TVP23C: variants seen among roughly 807,000 people sequenced by gnomAD.
The protein encoded by TVP23C is trans-golgi network vesicle protein 23 homolog C, also known as Golgi apparatus membrane protein TVP23 homolog C.
In TVP23C, 19 loss-of-function variants were observed where a neutral mutation model predicts 28.7. The ratio of observed to expected loss-of-function variants is 0.66; its 90% CI spans 0.46 to 0.97. The LOEUF is 0.97. Among genes scored for constraint, TVP23C ranks in the 50% least tolerant of loss-of-function variants. TVP23C has a pLI of 0.00. For synonymous variants in TVP23C, 68 were observed against 81.7 expected, an observed-to-expected ratio of 0.83 and a Z score of 0.90; for missense variants, 186 against 241.3, an observed-to-expected ratio of 0.77 and a Z score of 1.52.
At chr17:15,502,751 T>TCA (rs1491386433) in exon 6 of TVP23C, 7 of 1,337,378 alleles carry the variant, frequency 5.2e-6, no homozygotes, top group Non-Finnish European at 5.9e-6. Context: ...CTCTCTCCCG[T>TCA]CTCTTTCTCT....
At chr17:15,527,871 C>T (rs767730239) in intron 5 of TVP23C, among the ~76,000 whole-genome samples, 1 of 152,158 alleles carries the variant, frequency 6.6e-6, no homozygotes, top group Non-Finnish European at 1.5e-5. Context: ...AAACAATGCT[C>T]GAATGCTTAC....
At chr17:15,505,037 G>A (rs1165644768) in intron 5 of TVP23C, among the ~76,000 whole-genome samples, 1 of 152,148 alleles carries the variant, frequency 6.6e-6, no homozygotes, top group Non-Finnish European at 1.5e-5. Context: ...CAGACCCACA[G>A]TTATATACTG....
intron 5 of TVP23C, among the ~76,000 whole-genome samples, chr17:15,511,049 G>A (rs1179204520): frequency 1.4e-5 from 1 of 71,660 alleles, no homozygotes; most frequent in Non-Finnish European, 2.5e-5. Flanking sequence ...GCCAGACTTC[G>A]TCTCAAAAAA....
chr17:15,533,029 G>T (rs1983009738), downstream of TVP23C, among the ~76,000 whole-genome samples: 6 of 152,164 alleles, frequency 3.9e-5, no homozygotes, highest in South Asian at 1.2e-3. Flanking sequence ...CAACTAAGAG[G>T]GCCTAAGGGA....
Position 15,506,770 on chromosome 17 carries a change from G to A in TVP23C, c.463-3538C>T, listed in dbSNP as rs1268860872. 1.2e-5 allele frequency: 5 copies of A among 419,426 alleles called. No homozygotes were observed. In the Admixed American group the frequency reaches 1.3e-4, roughly 11 times the overall value. 26.0% of individuals were successfully genotyped at this position (419,426 alleles called of 1,614,324 possible). On this transcript the variant is annotated intron_variant, in intron 5 of 5. Coordinates refer to the TVP23C transcript ENST00000225576. ...ACATCAGAAGGAACAAACTCCAGAC[G>A]CGCCACCTTAAGAGCTGTAACACTC...
intron 5 of TVP23C, among the ~76,000 whole-genome samples, chr17:15,524,136 CT>C (rs1982619966): frequency 6.8e-6 from 1 of 146,900 alleles, no homozygotes; most frequent in African/African-American, 2.5e-5. Flanking sequence ...TGATAAATTC[CT>C]TTGACTTAGA....
At chr17:15,519,837 G>A (rs1385601380) in intron 5 of TVP23C, among the ~76,000 whole-genome samples, 1 of 152,204 alleles carries the variant, frequency 6.6e-6, no homozygotes, top group African/African-American at 2.4e-5. Context: ...GGGAGGCGGA[G>A]CTTGCAGTGA....
chr17:15,527,347 TAAACAAAATAAA>T (rs1023366740), intron 5 of TVP23C, among the ~76,000 whole-genome samples: 2 of 151,802 alleles, frequency 1.3e-5, no homozygotes, highest in African/African-American at 2.4e-5. Context: ...TAACTTGTTC[TAAACAAAATAAA>T]AAATAAAATG....
At chr17:15,556,324 C>G (rs934714718) in intron 1 of TVP23C, among the ~76,000 whole-genome samples, 6 of 151,126 alleles carry the variant, frequency 4.0e-5, no homozygotes, top group Non-Finnish European at 8.8e-5. Context: ...CCTCTTCAAT[C>G]CTCTACCTTC....
intron 5 of TVP23C, among the ~76,000 whole-genome samples, chr17:15,541,655 T>C (rs1158438807): frequency 6.6e-6 from 1 of 152,220 alleles, no homozygotes; most frequent in Non-Finnish European, 1.5e-5. Context: ...GATTTAAATG[T>C]TTGATTAATG....
chr17:15,545,878 T>A lies in TVP23C; in HGVS notation c.369A>T (p.Glu123Asp). 6.2e-7 allele frequency: 1 copy of A among 1,614,136 alleles called. No homozygotes were observed. Among genetic ancestry groups the A allele is most frequent in the Non-Finnish European group, 8.5e-7 (1 of 1,179,974 alleles). ...SQENKTVSEA[E>D]SRIFWLGLIA... ...TAAGTCCCAACCAAAAGATTCTTGA[T>A]TCAGCCTCTGACACAGTTTTATTCT... The change falls in exon 5 of 6, where the codon GAA (glutamate) becomes GAT (aspartate). Residue 123 changes from glutamate to aspartate, a missense_variant. This residue lies in a region of TVP23C where 74 missense variants were observed against 96.0 expected (regional missense o/e 0.77). Transcript: ENST00000518321.
chr17:15,541,902 C>T (rs879166587), intron 5 of TVP23C, among the ~76,000 whole-genome samples: 23 of 152,068 alleles, frequency 1.5e-4, no homozygotes, highest in Admixed American at 1.4e-3. Flanking sequence ...AGACCAATCA[C>T]GGGTCCTGCT....
downstream of TVP23C, among the ~76,000 whole-genome samples, chr17:15,535,181 T>G (rs1983106240): frequency 6.6e-6 from 1 of 151,972 alleles, no homozygotes; most frequent in African/African-American, 2.4e-5. Context: ...TATTATAATG[T>G]AATCTTAACA....
At chr17:15,556,416 C>A (rs1469881121) in intron 1 of TVP23C, among the ~76,000 whole-genome samples, 1 of 146,036 alleles carries the variant, frequency 6.8e-6, no homozygotes, top group Non-Finnish European at 1.5e-5. Context: ...GGCTGGAGTG[C>A]AGTGGCGTGG....
In TVP23C at chr17:15,545,888, GAC is replaced by G. The variant is rs2150852892; in HGVS notation, c.357_358del (p.Ser120ArgfsTer3). 1.2e-6 allele frequency: 2 copies of G among 1,614,006 alleles called. No homozygotes were observed. The highest frequency in any genetic ancestry group is 8.5e-7 in the Non-Finnish European group (1 of 1,179,956). On this transcript the variant is annotated frameshift_variant, in exon 5 of 6. Coordinates refer to ENST00000518321, the MANE Select transcript of TVP23C (RefSeq NM_001135036.2). LOFTEE classifies it high-confidence loss of function. Reference sequence around the variant, plus strand: ...CCAAAAGATTCTTGATTCAGCCTCTGACACAGTTTTATTCTCTTGAGAGGACT... The same window carrying G: ...CCAAAAGATTCTTGATTCAGCCTCTGACAGTTTTATTCTCTTGAGAGGACT...
Position 15,537,885 on chromosome 17 carries a change from C to T in TVP23C, c.*2527G>A. On this transcript the variant is annotated 3_prime_UTR_variant, in exon 6 of 6. Coordinates refer to ENST00000518321, the MANE Select transcript of TVP23C (RefSeq NM_001135036.2). ...TGTGCATACCTATGGAATGTGCATA[C>T]CTACACCACAGAACAAATCTTAACA... The T allele has an allele frequency of 1.4e-6, 2 of 1,410,670 alleles. No individual in the cohort carries two copies. Among genetic ancestry groups the T allele is most frequent in the Non-Finnish European group, 1.8e-6 (2 of 1,084,528 alleles). 87.4% of individuals were successfully genotyped at this position (1,410,670 alleles called of 1,614,324 possible).
intron 5 of TVP23C, among the ~76,000 whole-genome samples, chr17:15,520,613 T>C (rs1283573977): frequency 6.6e-6 from 1 of 151,652 alleles, no homozygotes; most frequent in Non-Finnish European, 1.5e-5. Flanking sequence ...GGAGGATAAG[T>C]CTGGTTCTTG....
intron 5 of TVP23C, among the ~76,000 whole-genome samples, chr17:15,528,556 G>A (rs188335049): frequency 2.6e-5 from 4 of 152,234 alleles, no homozygotes; most frequent in Non-Finnish European, 5.9e-5. Context: ...GTTCATTTGA[G>A]TAGAATGTGT....
chr17:15,515,253 C>A (rs1982174797), intron 5 of TVP23C, among the ~76,000 whole-genome samples: 1 of 152,138 alleles, frequency 6.6e-6, no homozygotes, highest in African/African-American at 2.4e-5. Context: ...CAGCCTGGAA[C>A]CCCCTGGAAC....
Sources: gnomAD v4.1 joint callset for allele counts (sites outside exome capture counted in the v4.1 genomes callset) on GRCh38, gnomAD v4.1.1 for gene constraint, gnomAD v4.1.1 regional missense constraint, MANE v1.5 for transcripts, NCBI Gene and HGNC (gene_info 2026-07-23, HGNC 2026-07-21) for gene names.